The following SMAP1 variants were observed in gnomAD, a reference collection of about 807,000 sequenced individuals.
The protein encoded by SMAP1 is small ArfGAP 1.
SMAP1 carries 24 observed loss-of-function variants against 58.5 expected under a neutral mutation model. The observed-to-expected ratio is 0.41, with a 90% confidence interval of 0.30 to 0.58. The LOEUF is 0.58. Ranked by LOEUF, SMAP1 falls within the 20% of genes least tolerant of loss-of-function variation. SMAP1 has a pLI of 0.29. For missense variants in SMAP1, 563 were observed against 566.3 expected, an observed-to-expected ratio of 0.99 and a Z score of 0.06; for synonymous variants, 216 against 196.6, an observed-to-expected ratio of 1.10 and a Z score of -0.82.
At chr6:70,773,199 C>T in intron 3 of SMAP1, 151 bp from the exon 4 acceptor site, 1 of 538,618 alleles carries the variant, frequency 1.9e-6, no homozygotes, top group Non-Finnish European at 3.3e-6. Flanking sequence ...AAGTAGTTTA[C>T]AGAATGTAGT....
intron 2 of SMAP1, among the ~76,000 whole-genome samples, chr6:70,737,873 C>T (rs1344679698): frequency 1.3e-5 from 2 of 152,174 alleles, no homozygotes; most frequent in Non-Finnish European, 2.9e-5. Context: ...CTGTCCTTTT[C>T]ACCTCATGTT....
chr6:70,781,116 C>T (rs1435122529), intron 4 of SMAP1, among the ~76,000 whole-genome samples: 1 of 152,146 alleles, frequency 6.6e-6, no homozygotes, highest in African/African-American at 2.4e-5. Context: ...AATTGCTCCA[C>T]ACTTTAATCA....
intron 3 of SMAP1, chr6:70,759,825 C>A: frequency 2.3e-6 from 1 of 436,326 alleles, no homozygotes; most frequent in Non-Finnish European, 4.6e-6. Flanking sequence ...ACGTTCGACA[C>A]AGTGAAGATA....
At chr6:70,780,121 A>G (rs781091303) in intron 4 of SMAP1, among the ~76,000 whole-genome samples, 1 of 152,198 alleles carries the variant, frequency 6.6e-6, no homozygotes, top group Non-Finnish European at 1.5e-5. Flanking sequence ...AGTCCTGCCC[A>G]CAATCTCAGG....
chr6:70,855,367 T>C (rs951711422), intron 8 of SMAP1, among the ~76,000 whole-genome samples: 2 of 152,162 alleles, frequency 1.3e-5, no homozygotes, highest in African/African-American at 4.8e-5. Context: ...CTTGTTGAGG[T>C]AGATATTTCA....
intron 7 of SMAP1, among the ~76,000 whole-genome samples, chr6:70,838,171 T>G (rs996532103): frequency 6.6e-6 from 1 of 152,186 alleles, no homozygotes; most frequent in African/African-American, 2.4e-5. Flanking sequence ...AAAAAAAATC[T>G]TAGTAAAACT....
At chr6:70,668,672 G>T in intron 1 of SMAP1, 1 of 1,536,028 alleles carries the variant, frequency 6.5e-7, no homozygotes, top group Non-Finnish European at 8.7e-7. Flanking sequence ...TTTGTACAAG[G>T]CTTTTATCTC....
intron 2 of SMAP1, among the ~76,000 whole-genome samples, chr6:70,742,637 C>T (rs1165488456): frequency 6.6e-6 from 1 of 152,224 alleles, no homozygotes. Flanking sequence ...GTTCCAAAGT[C>T]ACTTCCACAT....
At chr6:70,717,192 A>C (rs1768310648) in intron 1 of SMAP1, among the ~76,000 whole-genome samples, 1 of 152,206 alleles carries the variant, frequency 6.6e-6, no homozygotes, top group East Asian at 1.9e-4. Flanking sequence ...GTTGCAGTTC[A>C]TTCTATCTTT....
chr6:70,788,869 C>G (rs890178784), intron 4 of SMAP1, among the ~76,000 whole-genome samples: 8 of 152,038 alleles, frequency 5.3e-5, no homozygotes, highest in African/African-American at 1.7e-4. Context: ...AGTTTTACTT[C>G]GAGAATGACA....
At chr6:70,788,511 G>C (rs1768184399) in intron 4 of SMAP1, among the ~76,000 whole-genome samples, 5 of 152,002 alleles carry the variant, frequency 3.3e-5, no homozygotes, top group Admixed American at 2.6e-4. Flanking sequence ...TATAGGAGGT[G>C]CGTACTCCAG....
chr6:70,668,580 C>A (rs1283626310), intron 1 of SMAP1: 6 of 1,535,458 alleles, frequency 3.9e-6, no homozygotes, highest in Non-Finnish European at 5.2e-6. Context: ...CTCTACCCTC[C>A]GGTGTGACCA....
At chr6:70,723,692 T>C (rs1768633674) in intron 1 of SMAP1, among the ~76,000 whole-genome samples, 1 of 152,234 alleles carries the variant, frequency 6.6e-6, no homozygotes, top group Non-Finnish European at 1.5e-5. Context: ...AGTTTACTAC[T>C]ATATCCCCAG....
chr6:70,778,436 A>G (rs1332170785), intron 4 of SMAP1, among the ~76,000 whole-genome samples: 3 of 152,214 alleles, frequency 2.0e-5, no homozygotes, highest in African/African-American at 4.8e-5. Context: ...GAATTTTATG[A>G]AATTCTTTTT....
chr6:70,777,217 G>A (rs903449689), intron 4 of SMAP1, among the ~76,000 whole-genome samples: 3 of 151,772 alleles, frequency 2.0e-5, no homozygotes, highest in Admixed American at 6.6e-5. Context: ...GATTTGCTGC[G>A]CCCACTGTCT....
intron 4 of SMAP1, among the ~76,000 whole-genome samples, chr6:70,784,146 T>G (rs887671444): frequency 6.6e-6 from 1 of 152,194 alleles, no homozygotes. Flanking sequence ...GGGGCCAATA[T>G]TCAGCATTCT....
intron 6 of SMAP1, among the ~76,000 whole-genome samples, chr6:70,807,393 C>T (rs1480704207): frequency 2.0e-5 from 3 of 152,192 alleles, no homozygotes; most frequent in Admixed American, 6.5e-5. Context: ...AGATATCTCT[C>T]TTTTATGCTT....
intron 2 of SMAP1, among the ~76,000 whole-genome samples, chr6:70,742,742 G>C (rs1381897583): frequency 6.6e-6 from 1 of 152,168 alleles, no homozygotes; most frequent in African/African-American, 2.4e-5. Flanking sequence ...CAAGACTGGA[G>C]TAATTTATAA....
At chr6:70,710,493 CAAAAAAAAAAAAAA>C (rs35171922) in intron 1 of SMAP1, among the ~76,000 whole-genome samples, 3 of 75,310 alleles carry the variant, frequency 4.0e-5, no homozygotes, top group Admixed American at 1.7e-4. Flanking sequence ...ACTCCCATCT[CAAAAAAAAAAAAAA>C]AAAAAAAAAG....
Sources: gnomAD v4.1 joint callset for allele counts (sites outside exome capture counted in the v4.1 genomes callset) on GRCh38, gnomAD v4.1.1 for gene constraint, MANE v1.5 for transcripts, NCBI Gene and HGNC (gene_info 2026-07-23, HGNC 2026-07-21) for gene names.